The following FHOD3 variants were observed in gnomAD, a reference collection of about 807,000 sequenced individuals.
FHOD3 encodes FH1/FH2 domain-containing protein 3.
A neutral mutation model predicts 173.0 loss-of-function variants in FHOD3; 90 were observed. The ratio of observed to expected loss-of-function variants is 0.52; its 90% CI spans 0.44 to 0.62. FHOD3 has a LOEUF of 0.62. Ranked by LOEUF, FHOD3 falls within the 20% of genes least tolerant of loss-of-function variation. The probability of loss-of-function intolerance (pLI) is 0.00; values close to 1 mark genes in which losing one functional copy is unlikely to be tolerated. For synonymous variants in FHOD3, 828 were observed against 823.0 expected (o/e 1.01, Z -0.10); for missense variants, 1,945 against 2,034.7 (o/e 0.96, Z 0.85).
At chr18:36,749,539 G>A (rs1396090484) in intron 24 of FHOD3, among the ~76,000 whole-genome samples, 1 of 152,136 alleles carries the variant, frequency 6.6e-6, no homozygotes, top group Non-Finnish European at 1.5e-5. Context: ...ATAGTGTTTC[G>A]TGGTGTATAT....
intron 16 of FHOD3, among the ~76,000 whole-genome samples, chr18:36,690,585 C>G (rs1201952925): frequency 6.6e-6 from 1 of 152,272 alleles, no homozygotes; most frequent in East Asian, 1.9e-4. Context: ...GGTCGCTAAG[C>G]TGTAACACCG....
intron 13 of FHOD3, among the ~76,000 whole-genome samples, chr18:36,654,227 G>C (rs1446167783): frequency 2.0e-5 from 3 of 152,164 alleles, no homozygotes; most frequent in Admixed American, 2.0e-4. Flanking sequence ...TATAGGACCT[G>C]AACCTTGAAG....
At chr18:36,419,078 T>C (rs192245027) in intron 3 of FHOD3, among the ~76,000 whole-genome samples, 20 of 152,122 alleles carry the variant, frequency 1.3e-4, no homozygotes, top group Non-Finnish European at 2.1e-4. Flanking sequence ...AAAATCATGG[T>C]CTATTACTTT....
At chr18:36,672,108 A>G (rs1034454104) in intron 14 of FHOD3, among the ~76,000 whole-genome samples, 4 of 152,144 alleles carry the variant, frequency 2.6e-5, no homozygotes, top group African/African-American at 9.7e-5. Context: ...ATTTTAGGGG[A>G]CAGTGGTATA....
At chr18:36,738,599 T>C (rs1422202809) in intron 20 of FHOD3, among the ~76,000 whole-genome samples, 2 of 152,254 alleles carry the variant, frequency 1.3e-5, no homozygotes, top group Non-Finnish European at 2.9e-5. Flanking sequence ...GTGATCCATT[T>C]TGAGTTTGTT....
chr18:36,426,194 GCGCC>G (rs1568255884), intron 3 of FHOD3, among the ~76,000 whole-genome samples: 1 of 151,836 alleles, frequency 6.6e-6, no homozygotes, highest in Non-Finnish European at 1.5e-5. Context: ...ATGAGCCACC[GCGCC>G]CGGCCTTCAC....
At chr18:36,361,578 C>G (rs867253796) in intron 2 of FHOD3, among the ~76,000 whole-genome samples, 1 of 150,810 alleles carries the variant, frequency 6.6e-6, no homozygotes, top group South Asian at 2.1e-4. Flanking sequence ...CCCAGCTACT[C>G]GGGAGGCTGA....
At chr18:36,502,083 T>C (rs1260648352) in intron 4 of FHOD3, 84 bp downstream of exon 4, 2 of 833,554 alleles carry the variant, frequency 2.4e-6, no homozygotes, top group Non-Finnish European at 3.7e-6. Context: ...GTACTTGTTA[T>C]GAAAAGGAAG....
intron 27 of FHOD3, among the ~76,000 whole-genome samples, chr18:36,767,732 T>C (rs1023150717): frequency 6.6e-6 from 1 of 152,138 alleles, no homozygotes; most frequent in African/African-American, 2.4e-5. Flanking sequence ...GTGTGAAATA[T>C]TTATGTATTT....
At chr18:36,465,236 G>A (rs1259318350) in intron 3 of FHOD3, among the ~76,000 whole-genome samples, 1 of 152,168 alleles carries the variant, frequency 6.6e-6, no homozygotes, top group Non-Finnish European at 1.5e-5. Flanking sequence ...GCTGAGACAG[G>A]AGAATTGCTT....
rs141711444 is a variant in FHOD3, at chr18:36,326,495, G to A, written c.165+28495G>A. Among the ~76,000 whole-genome samples the A allele has an allele frequency of 7.0e-3, 1,059 of 152,192 alleles. 10 individuals are homozygous for A. The highest frequency in any genetic ancestry group is 0.024 in the African/African-American group (1,006 of 41,474). The stretch of plus-strand genomic sequence containing the variant: ...TTATAAAGTACTTCAGGTCAGGCGC[G>A]GTTGCTCACGCCTTGTAATCCCAGC... On this transcript the variant is annotated intron_variant, in intron 1 of 28. Transcript: ENST00000590592.
intron 5 of FHOD3, among the ~76,000 whole-genome samples, chr18:36,566,093 T>C (rs1036881921): frequency 6.6e-6 from 1 of 152,192 alleles, no homozygotes; most frequent in Admixed American, 6.5e-5. Context: ...GGATGAGGAA[T>C]TGATTAAAAG....
At chr18:36,336,066 T>C (rs1343676512) in intron 1 of FHOD3, among the ~76,000 whole-genome samples, 4 of 152,290 alleles carry the variant, frequency 2.6e-5, no homozygotes, top group Non-Finnish European at 5.9e-5. Flanking sequence ...AGAGCATTTC[T>C]CATCAACATC....
intron 5 of FHOD3, among the ~76,000 whole-genome samples, chr18:36,566,887 TATAAAATGAAAA>T (rs2058284068): frequency 6.6e-6 from 1 of 152,220 alleles, no homozygotes; most frequent in Admixed American, 6.5e-5. Flanking sequence ...ATTATACTTA[TATAAAATGAAAA>T]TAAGAACAAT....
intron 5 of FHOD3, among the ~76,000 whole-genome samples, chr18:36,547,241 G>A (rs1471359394): frequency 6.6e-6 from 1 of 152,164 alleles, no homozygotes; most frequent in Non-Finnish European, 1.5e-5. Flanking sequence ...GCATTCCCAG[G>A]TTCGAGGCAC....
chr18:36,708,602 G>T (rs754970810), intron 17 of FHOD3, among the ~76,000 whole-genome samples: 2 of 152,150 alleles, frequency 1.3e-5, no homozygotes, highest in Non-Finnish European at 2.9e-5. Context: ...CTTATTGGGA[G>T]ACTCTGGGAA....
intron 27 of FHOD3, among the ~76,000 whole-genome samples, chr18:36,761,745 T>C (rs1357553738): frequency 6.6e-6 from 1 of 151,988 alleles, no homozygotes; most frequent in Admixed American, 6.6e-5. Context: ...GATGGTCAAC[T>C]TTAAGGAGAA....
At chr18:36,697,589 T>A (rs2039356461) in intron 17 of FHOD3, among the ~76,000 whole-genome samples, 1 of 152,246 alleles carries the variant, frequency 6.6e-6, no homozygotes, top group Admixed American at 6.5e-5. Flanking sequence ...TTTCTCTACC[T>A]GTAATTGGAT....
chr18:36,355,886 G>A (rs2046337056), intron 2 of FHOD3, among the ~76,000 whole-genome samples: 2 of 152,280 alleles, frequency 1.3e-5, no homozygotes, highest in South Asian at 2.1e-4. Context: ...TGGTAATCAA[G>A]CACATGGTAT....
Sources: gnomAD v4.1 joint callset for allele counts (sites outside exome capture counted in the v4.1 genomes callset) on GRCh38, gnomAD v4.1.1 for gene constraint, MANE v1.5 for transcripts, NCBI Gene and HGNC (gene_info 2026-07-23, HGNC 2026-07-21) for gene names.